Variants in CPA6 observed in about 807,000 individuals in gnomAD.
CPA6 encodes carboxypeptidase B.
A neutral mutation model predicts 63.3 loss-of-function variants in CPA6; 58 were observed. That is an observed-to-expected ratio of 0.92 (90% CI 0.74 to 1.14). CPA6 has a LOEUF of 1.14. CPA6 is among the 50% of genes most tolerant of loss of function. The pLI, the probability that CPA6 is intolerant of heterozygous loss-of-function variation, is 0.00. For synonymous variants in CPA6, 185 were observed against 179.0 expected (o/e 1.03, Z -0.27); for missense variants, 565 against 526.6 (o/e 1.07, Z -0.71).
At position 67,429,934 on chromosome 8, in the gene CPA6, T is replaced by G. The variant is rs146607743; in HGVS notation, c.1042-1803A>C. On this transcript the variant is annotated intron_variant, in intron 9 of 10. Transcript: ENST00000297770. ...GTACTGGTGCGTGTTGACTAGGGTT[T>G]AGATGTGATCTCTCCACAAAAATAA... Among the ~76,000 whole-genome samples, 572 of 152,290 alleles carry G rather than the reference T, an allele frequency of 3.8e-3. 3 individuals carry two copies. Among genetic ancestry groups the G allele is most frequent in the Non-Finnish European group, 5.6e-3 (380 of 68,026 alleles).
intron 8 of CPA6, among the ~76,000 whole-genome samples, chr8:67,466,025 A>C (rs1810916883): frequency 6.7e-6 from 1 of 149,570 alleles, no homozygotes; most frequent in South Asian, 2.1e-4. Flanking sequence ...TTTCAGTAGA[A>C]TTGGTACCAG....
chr8:67,444,470 G>A (rs1810368802), intron 8 of CPA6, among the ~76,000 whole-genome samples: 1 of 151,962 alleles, frequency 6.6e-6, no homozygotes, highest in Non-Finnish European at 1.5e-5. Context: ...AAAAAGATGT[G>A]GGGGTCATTA....
rs369966343 is a variant in CPA6 at position 67,601,068 on chromosome 8, C to T, written c.192+23108G>A. 2.8e-4 allele frequency among the ~76,000 whole-genome samples: 42 copies of T among 152,162 alleles called. No individual in the cohort carries two copies. In the East Asian group the frequency reaches 2.9e-3, roughly 10 times the overall value. ...AATGGAAAGAACTATTACAAGACAT[C>T]TGTGACATAATTTACAGTTGAGTAC... On this transcript the variant is annotated intron_variant, in intron 2 of 10. Coordinates refer to ENST00000297770, the MANE Select transcript of CPA6 (RefSeq NM_020361.5).
At chr8:67,745,912 C>T in intron 1 of CPA6, 102 bp downstream of exon 1, 2 of 712,980 alleles carry the variant, frequency 2.8e-6, no homozygotes, top group Non-Finnish European at 4.7e-6. Flanking sequence ...TGCAGATTCA[C>T]TCAGAGACCC....
chr8:67,705,709 T>A (rs759488629), intron 1 of CPA6, among the ~76,000 whole-genome samples: 1 of 152,206 alleles, frequency 6.6e-6, no homozygotes, highest in Non-Finnish European at 1.5e-5. Flanking sequence ...ATTAACTTCA[T>A]CCTGGTCAGT....
intron 2 of CPA6, among the ~76,000 whole-genome samples, chr8:67,559,244 A>G (rs1813143106): frequency 2.6e-5 from 4 of 152,204 alleles, no homozygotes; most frequent in Admixed American, 2.0e-4. Context: ...ATGTGACCTC[A>G]TAAGATCAGT....
At chr8:67,471,675 A>G (rs541867798) in intron 8 of CPA6, among the ~76,000 whole-genome samples, 1 of 152,328 alleles carries the variant, frequency 6.6e-6, no homozygotes, top group Admixed American at 6.5e-5. Context: ...CGTTTCAAAC[A>G]AATATAAAAG....
intron 2 of CPA6, among the ~76,000 whole-genome samples, chr8:67,555,100 C>T (rs1261713843): frequency 6.6e-6 from 1 of 152,134 alleles, no homozygotes; most frequent in East Asian, 1.9e-4. Flanking sequence ...CCAAATCAAC[C>T]CACAATAAAT....
chr8:67,601,488 T>C (rs1396250138), intron 2 of CPA6, among the ~76,000 whole-genome samples: 1 of 152,140 alleles, frequency 6.6e-6, no homozygotes. Flanking sequence ...CCACACAGAA[T>C]TGTTTTGGCA....
At chr8:67,518,509 C>CTTTTT (rs71554610) in intron 2 of CPA6, among the ~76,000 whole-genome samples, 17 of 129,830 alleles carry the variant, frequency 1.3e-4, no homozygotes, top group South Asian at 2.5e-4. Flanking sequence ...CTTTTCTTTT[C>CTTTTT]TTTTTTTTTT....
chr8:67,681,808 A>C (rs2128996031), intron 1 of CPA6, among the ~76,000 whole-genome samples: 1 of 152,252 alleles, frequency 6.6e-6, no homozygotes, highest in East Asian at 1.9e-4. Flanking sequence ...ACAACTTTAT[A>C]AACAGTCTCA....
At chr8:67,479,242 C>A (rs1031432557) in intron 8 of CPA6, among the ~76,000 whole-genome samples, 1 of 152,188 alleles carries the variant, frequency 6.6e-6, no homozygotes, top group Non-Finnish European at 1.5e-5. Context: ...CAGGTAGAGA[C>A]TGAGGTTTGT....
At chr8:67,710,554 C>T (rs1308244547) in intron 1 of CPA6, among the ~76,000 whole-genome samples, 4 of 151,954 alleles carry the variant, frequency 2.6e-5, no homozygotes, top group South Asian at 2.1e-4. Context: ...GAATTTGCAT[C>T]TTATTGCCAA....
chr8:67,562,589 G>A (rs894511381), intron 2 of CPA6, among the ~76,000 whole-genome samples: 29 of 152,160 alleles, frequency 1.9e-4, no homozygotes, highest in Admixed American at 1.9e-3. Flanking sequence ...CCAAGGTGAT[G>A]GTATTAGGAG....
chr8:67,736,798 A>G (rs1287117480), intron 1 of CPA6, among the ~76,000 whole-genome samples: 1 of 152,186 alleles, frequency 6.6e-6, no homozygotes, highest in Non-Finnish European at 1.5e-5. Flanking sequence ...CAGCTCAAAC[A>G]ATACATATCC....
chr8:67,446,619 A>T (rs1810422841), intron 8 of CPA6, among the ~76,000 whole-genome samples: 1 of 152,230 alleles, frequency 6.6e-6, no homozygotes, highest in South Asian at 2.1e-4. Context: ...TCCCTGTGGA[A>T]ATTGACTTGA....
intron 2 of CPA6, among the ~76,000 whole-genome samples, chr8:67,538,737 G>T (rs1471430893): frequency 6.6e-6 from 1 of 151,678 alleles, no homozygotes; most frequent in Admixed American, 6.6e-5. Flanking sequence ...TCGGCTCACT[G>T]CAAGCACCGC....
At chr8:67,478,427 CCAGT>C (rs1021696004) in intron 8 of CPA6, among the ~76,000 whole-genome samples, 3 of 152,226 alleles carry the variant, frequency 2.0e-5, no homozygotes, top group Non-Finnish European at 2.9e-5. Context: ...TGATTTATAG[CCAGT>C]CAGTCAGAAG....
intron 8 of CPA6, among the ~76,000 whole-genome samples, chr8:67,446,519 T>C (rs543989413): frequency 3.2e-4 from 48 of 152,266 alleles, no homozygotes; most frequent in African/African-American, 1.0e-3. Flanking sequence ...AATATATTTT[T>C]TAAAAATTTA....
Sources: allele counts gnomAD v4.1 joint callset (sites outside exome capture counted in the v4.1 genomes callset), GRCh38; gene constraint gnomAD v4.1.1; transcripts MANE v1.5; gene names NCBI Gene and HGNC (gene_info 2026-07-23, HGNC 2026-07-21).